Variants in CSMD1 observed in about 807,000 individuals in gnomAD.
CSMD1 encodes the protein CUB and Sushi multiple domains 1.
In CSMD1, 213 loss-of-function variants were observed where a neutral mutation model predicts 417.5. That is an observed-to-expected ratio of 0.51 (90% CI 0.46 to 0.57). CSMD1 has a LOEUF of 0.57. Ranked by LOEUF, CSMD1 falls within the 20% of genes least tolerant of loss-of-function variation. The probability of loss-of-function intolerance (pLI) is 0.00; values close to 1 mark genes in which losing one functional copy is unlikely to be tolerated. For synonymous variants in CSMD1, 2,862 were observed against 1,736.8 expected, an observed-to-expected ratio of 1.65 and a Z score of -16.11; for missense variants, 6,923 against 4,529.7, an observed-to-expected ratio of 1.53 and a Z score of -15.17.
intron 52 of CSMD1, among the ~76,000 whole-genome samples, chr8:3,010,302 AT>A (rs1247351668): frequency 6.6e-6 from 1 of 151,992 alleles, no homozygotes; most frequent in Non-Finnish European, 1.5e-5. Flanking sequence ...TGGCATTCTA[AT>A]TTTTCGTACC....
intron 52 of CSMD1, among the ~76,000 whole-genome samples, chr8:3,001,292 T>A (rs1284994672): frequency 6.6e-6 from 1 of 152,088 alleles, no homozygotes; most frequent in African/African-American, 2.4e-5. Flanking sequence ...CACCACAACA[T>A]TTTGTTACCT....
intron 5 of CSMD1, among the ~76,000 whole-genome samples, chr8:3,878,637 A>T (rs1805995857): frequency 6.6e-6 from 1 of 152,220 alleles, no homozygotes; most frequent in Non-Finnish European, 1.5e-5. Flanking sequence ...TTGACAGAAA[A>T]ATCTCCAAAA....
intron 3 of CSMD1, among the ~76,000 whole-genome samples, chr8:4,091,894 C>T (rs1563112507): frequency 6.6e-6 from 1 of 152,160 alleles, no homozygotes; most frequent in African/African-American, 2.4e-5. Flanking sequence ...AAGAACCGTA[C>T]AGAGTTTTAA....
At chr8:3,561,462 C>G (rs563869399) in intron 10 of CSMD1, among the ~76,000 whole-genome samples, 2 of 149,986 alleles carry the variant, frequency 1.3e-5, no homozygotes. Context: ...TAAAATGATA[C>G]ATTTCTTGGC....
chr8:4,772,414 C>A (rs1796647875), intron 1 of CSMD1, among the ~76,000 whole-genome samples: 1 of 152,132 alleles, frequency 6.6e-6, no homozygotes, highest in Admixed American at 6.5e-5. Context: ...CCTGATAATC[C>A]AGAATGATCT....
At chr8:4,690,134 A>C (rs1806674092) in intron 1 of CSMD1, among the ~76,000 whole-genome samples, 1 of 152,216 alleles carries the variant, frequency 6.6e-6, no homozygotes, top group South Asian at 2.1e-4. Context: ...ATTGTGAAAG[A>C]CTTATTACAA....
chr8:3,833,489 A>G (rs554958091), intron 5 of CSMD1, among the ~76,000 whole-genome samples: 1 of 152,206 alleles, frequency 6.6e-6, no homozygotes, highest in East Asian at 1.9e-4. Context: ...TCCTACTATA[A>G]CAAAGCCCTT....
intron 6 of CSMD1, among the ~76,000 whole-genome samples, chr8:3,750,170 G>T (rs183220076): frequency 6.6e-6 from 1 of 152,038 alleles, no homozygotes; most frequent in Non-Finnish European, 1.5e-5. Context: ...ATCTGCAATC[G>T]TATCAATCCA....
chr8:3,879,953 T>C (rs1221532365), intron 5 of CSMD1, among the ~76,000 whole-genome samples: 1 of 152,168 alleles, frequency 6.6e-6, no homozygotes, highest in Non-Finnish European at 1.5e-5. Context: ...TACATATTTA[T>C]TTGATGGGTT....
In CSMD1 at chr8:4,398,385, C is replaced by CTTTTTTTTTT. The variant is rs1317009143; in HGVS notation, c.415+21567_415+21568insAAAAAAAAAA. ...CTCTTTTTAAATTGTCTTGCTGCAACTTCTTTTTTTTTTTTTTTTTTTTGT... is the reference window on the plus strand; with the variant it reads ...CTCTTTTTAAATTGTCTTGCTGCAACTTTTTTTTTTTTCTTTTTTTTTTTTTTTTTTTTGT... On this transcript the variant is annotated intron_variant, in intron 3 of 69. Transcript: ENST00000635120. 1.9e-4 allele frequency among the ~76,000 whole-genome samples: 22 copies of CTTTTTTTTTT among 118,130 alleles called. 3 individuals carry two copies. Among genetic ancestry groups the CTTTTTTTTTT allele is most frequent in the Non-Finnish European group, 2.2e-4 (13 of 59,032 alleles). The allele number at this position is 118,130 out of a possible 152,430, so 77.5% of individuals were successfully genotyped here.
chr8:4,351,916 C>A (rs996366688), intron 3 of CSMD1, among the ~76,000 whole-genome samples: 1 of 150,290 alleles, frequency 6.7e-6, no homozygotes, highest in African/African-American at 2.5e-5. Context: ...ACTGTAGAAA[C>A]ACTGACATTC....
intron 3 of CSMD1, among the ~76,000 whole-genome samples, chr8:4,066,283 G>C (rs940874883): frequency 1.3e-5 from 2 of 152,030 alleles, no homozygotes; most frequent in African/African-American, 4.8e-5. Context: ...TTCTTTCTCT[G>C]TACGACCTTA....
chr8:4,276,236 G>A (rs185977433), intron 3 of CSMD1, among the ~76,000 whole-genome samples: 5 of 152,234 alleles, frequency 3.3e-5, no homozygotes, highest in Admixed American at 6.5e-5. Flanking sequence ...GCCCATCAAC[G>A]ATAGACTGAA....
intron 61 of CSMD1, among the ~76,000 whole-genome samples, chr8:2,961,437 C>T (rs1028802241): frequency 1.3e-5 from 2 of 152,012 alleles, no homozygotes; most frequent in African/African-American, 2.4e-5. Context: ...TCAGTATGTT[C>T]TTCTTATATA....
intron 1 of CSMD1, among the ~76,000 whole-genome samples, chr8:4,810,676 A>T (rs1430960607): frequency 3.3e-5 from 5 of 152,238 alleles, no homozygotes; most frequent in African/African-American, 1.2e-4. Flanking sequence ...TAGAAACTTT[A>T]TAATGTTCCA....
At chr8:4,579,044 C>A (rs1430381734) in intron 2 of CSMD1, among the ~76,000 whole-genome samples, 2 of 151,746 alleles carry the variant, frequency 1.3e-5, no homozygotes, top group Non-Finnish European at 2.9e-5. Flanking sequence ...ATGTTAGACA[C>A]TGCAAAAGAT....
intron 3 of CSMD1, among the ~76,000 whole-genome samples, chr8:4,409,357 G>C (rs867485281): frequency 1.8e-4 from 27 of 151,712 alleles, no homozygotes; most frequent in Admixed American, 1.6e-3. Flanking sequence ...TCTTCTCCTC[G>C]AATTGCCTCA....
chr8:3,856,564 G>A (rs1469240528), intron 5 of CSMD1, among the ~76,000 whole-genome samples: 1 of 152,128 alleles, frequency 6.6e-6, no homozygotes, highest in Non-Finnish European at 1.5e-5. Flanking sequence ...CGGCACTGGG[G>A]CCTGAGTATG....
chr8:3,758,436 T>C (rs1177149317), intron 5 of CSMD1, among the ~76,000 whole-genome samples: 1 of 152,224 alleles, frequency 6.6e-6, no homozygotes, highest in East Asian at 1.9e-4. Flanking sequence ...TTTTGTTGTT[T>C]GTTTGGGAAA....
Sources: allele counts gnomAD v4.1 joint callset (sites outside exome capture counted in the v4.1 genomes callset), GRCh38; gene constraint gnomAD v4.1.1; transcripts MANE v1.5; gene names NCBI Gene and HGNC (gene_info 2026-07-23, HGNC 2026-07-21).